Variants in TAFA1 observed in about 807,000 individuals in gnomAD.
TAFA1 encodes chemokine-like protein TAFA-1.
A neutral mutation model predicts 18.5 loss-of-function variants in TAFA1; 4 were observed. The ratio of observed to expected loss-of-function variants is 0.22; its 90% CI spans 0.11 to 0.49. TAFA1 has a LOEUF of 0.49. TAFA1 is among the 20% of genes least tolerant of loss of function. The probability of loss-of-function intolerance (pLI) is 0.98; values close to 1 mark genes in which losing one functional copy is unlikely to be tolerated. For synonymous variants in TAFA1, 56 were observed against 55.2 expected (o/e 1.01, Z -0.06); for missense variants, 147 against 169.0 (o/e 0.87, Z 0.72).
At chr3:68,122,088 C>A (rs1485971076) in intron 2 of TAFA1, among the ~76,000 whole-genome samples, 2 of 152,086 alleles carry the variant, frequency 1.3e-5, no homozygotes, top group Non-Finnish European at 1.5e-5. Flanking sequence ...TACCAAGAAA[C>A]AAATGGAGGT....
At chr3:68,416,357 T>C (rs972670811) in intron 2 of TAFA1, among the ~76,000 whole-genome samples, 1 of 152,224 alleles carries the variant, frequency 6.6e-6, no homozygotes, top group African/African-American at 2.4e-5. Flanking sequence ...ATATAGAGGT[T>C]GCTTAACAAA....
At chr3:68,405,519 C>G (rs555638002) in intron 2 of TAFA1, among the ~76,000 whole-genome samples, 1 of 149,092 alleles carries the variant, frequency 6.7e-6, no homozygotes, top group Non-Finnish European at 1.5e-5. Flanking sequence ...CAAAGGGAGA[C>G]GCCCATCTCT....
chr3:68,083,118 G>A (rs572937922), intron 2 of TAFA1, among the ~76,000 whole-genome samples: 17 of 152,202 alleles, frequency 1.1e-4, no homozygotes, highest in East Asian at 5.8e-4. Flanking sequence ...AATGGAGCCC[G>A]AAAGGAAAAA....
chr3:68,063,854 C>A (rs1212679341), intron 2 of TAFA1, among the ~76,000 whole-genome samples: 3 of 152,092 alleles, frequency 2.0e-5, no homozygotes, highest in Non-Finnish European at 4.4e-5. Flanking sequence ...GAGTCCATGG[C>A]ACAAGGAAAG....
intron 2 of TAFA1, among the ~76,000 whole-genome samples, chr3:68,371,406 G>A (rs2069704320): frequency 6.6e-6 from 1 of 152,016 alleles, no homozygotes; most frequent in African/African-American, 2.4e-5. Flanking sequence ...GCCCCAGTGT[G>A]TGATGTTCCC....
intron 3 of TAFA1, among the ~76,000 whole-genome samples, chr3:68,533,420 G>A (rs986405055): frequency 1.3e-5 from 2 of 152,138 alleles, no homozygotes; most frequent in African/African-American, 2.4e-5. Flanking sequence ...ATCTCCCACA[G>A]GGTCCCTCCC....
intron 2 of TAFA1, among the ~76,000 whole-genome samples, chr3:68,370,780 G>GTT (rs34524243): frequency 0.052 from 6,407 of 122,044 alleles, 220 homozygotes; most frequent in Middle Eastern, 0.085. Flanking sequence ...TGTTTTCGTT[G>GTT]TTTTTTTTTT....
chr3:68,048,572 A>G (rs1272157575), intron 2 of TAFA1, among the ~76,000 whole-genome samples: 1 of 152,002 alleles, frequency 6.6e-6, no homozygotes, highest in African/African-American at 2.4e-5. Flanking sequence ...ATATTTTTGT[A>G]CACATCAACT....
At chr3:68,409,344 G>A (rs1052824611) in intron 2 of TAFA1, among the ~76,000 whole-genome samples, 12 of 152,112 alleles carry the variant, frequency 7.9e-5, no homozygotes, top group African/African-American at 2.4e-4. Context: ...ATCACATCTC[G>A]AATTGTAATC....
intron 2 of TAFA1, among the ~76,000 whole-genome samples, chr3:68,139,120 G>C (rs2065641034): frequency 6.6e-6 from 1 of 152,116 alleles, no homozygotes; most frequent in African/African-American, 2.4e-5. Flanking sequence ...CTCTAATTAA[G>C]AAAATTCCAT....
intron 3 of TAFA1, among the ~76,000 whole-genome samples, chr3:68,515,444 C>T (rs2072906983): frequency 6.6e-6 from 1 of 152,114 alleles, no homozygotes; most frequent in Non-Finnish European, 1.5e-5. Context: ...ATGTGGCCAC[C>T]TCTGTTTCCA....
intron 3 of TAFA1, among the ~76,000 whole-genome samples, chr3:68,504,733 A>G (rs2072718235): frequency 6.6e-6 from 1 of 152,072 alleles, no homozygotes; most frequent in Admixed American, 6.5e-5. Flanking sequence ...TGAGCTTTAA[A>G]ATATTCCCCA....
chr3:68,511,236 A>G (rs919556434), intron 3 of TAFA1, among the ~76,000 whole-genome samples: 4 of 152,292 alleles, frequency 2.6e-5, no homozygotes, highest in Middle Eastern at 3.4e-3. Flanking sequence ...AGCAATAAAT[A>G]TGGAAATAAG....
intron 2 of TAFA1, among the ~76,000 whole-genome samples, chr3:68,333,875 T>C (rs193157548): frequency 1.3e-5 from 2 of 152,212 alleles, no homozygotes. Context: ...ACCTGGAGGA[T>C]GTTATTATAA....
intron 3 of TAFA1, among the ~76,000 whole-genome samples, chr3:68,475,109 T>G (rs2072065944): frequency 1.3e-5 from 2 of 152,042 alleles, no homozygotes; most frequent in African/African-American, 4.8e-5. Context: ...GGTCCCAATC[T>G]CCAGAGTCAC....
At chr3:68,009,948 A>C (rs1704438118) in intron 2 of TAFA1, among the ~76,000 whole-genome samples, 3 of 151,418 alleles carry the variant, frequency 2.0e-5, no homozygotes, top group African/African-American at 7.3e-5. Flanking sequence ...AATGAGCAAA[A>C]AGGAAAAACA....
chr3:68,271,649 T>C (rs539735641), intron 2 of TAFA1, among the ~76,000 whole-genome samples: 6 of 152,252 alleles, frequency 3.9e-5, no homozygotes, highest in African/African-American at 1.4e-4. Flanking sequence ...CTGATGTTTG[T>C]CACAATCACA....
chr3:68,525,716 G>A (rs540095667), intron 3 of TAFA1, among the ~76,000 whole-genome samples: 24 of 152,256 alleles, frequency 1.6e-4, no homozygotes, highest in African/African-American at 5.5e-4. Context: ...TATGATTAAG[G>A]AGTCCATATT....
intron 3 of TAFA1, among the ~76,000 whole-genome samples, chr3:68,434,002 T>C (rs1023451454): frequency 3.3e-5 from 5 of 152,088 alleles, no homozygotes; most frequent in African/African-American, 9.7e-5. Context: ...ACAGACTCAA[T>C]TGACTATCTC....
Sources: allele counts gnomAD v4.1 joint callset (sites outside exome capture counted in the v4.1 genomes callset), GRCh38; gene constraint gnomAD v4.1.1; transcripts MANE v1.5; gene names NCBI Gene and HGNC (gene_info 2026-07-23, HGNC 2026-07-21).